Variants in LRP1B observed in about 807,000 individuals in gnomAD.
LRP1B encodes LDL receptor related protein 1B.
Under a neutral mutation model 556.6 loss-of-function variants are expected in LRP1B, and 217 were observed. The ratio of observed to expected loss-of-function variants is 0.39; its 90% CI spans 0.35 to 0.44. The LOEUF (loss-of-function observed/expected upper bound fraction) is 0.44, where lower values mean the gene tolerates loss of function less well. LRP1B is among the 20% of genes least tolerant of loss of function. The probability of loss-of-function intolerance (pLI) is 1.00; values close to 1 mark genes in which losing one functional copy is unlikely to be tolerated. For missense variants in LRP1B, 5,053 were observed against 5,620.8 expected, an observed-to-expected ratio of 0.90 and a Z score of 3.23; for synonymous variants, 2,047 against 1,865.8, an observed-to-expected ratio of 1.10 and a Z score of -2.50.
intron 1 of LRP1B, among the ~76,000 whole-genome samples, chr2:142,005,267 C>T (rs546599100): frequency 8.4e-4 from 127 of 151,850 alleles, no homozygotes; most frequent in African/African-American, 2.4e-3. Context: ...AGGATTAACA[C>T]GGAAAATTGT....
rs2104939348 is a variant in LRP1B, at chr2:140,516,963, C to T, written c.8075G>A (p.Gly2692Glu). ...CEENYFSCPS[G>E]RCILNTWICD... ...TATCCAGGTATTCAAAATGCATCTT[C>T]CACTAGGACAACTAAAATAATTTTC... is the stretch of plus-strand genomic sequence containing the variant. The change falls in exon 50 of 91, where the codon GGA becomes GAA. Residue 2692 changes from glycine (G) to glutamate (E), a missense_variant. Physicochemically the swap from Gly to Glu is moderately conservative, Grantham distance 98. Transcript: ENST00000389484. 1.2e-6 allele frequency: 2 copies of T among 1,603,546 alleles called. No individual in the cohort carries two copies. The highest frequency in any genetic ancestry group is 1.7e-6 in the Non-Finnish European group (2 of 1,170,598).
Position 140,989,168 on chromosome 2 carries a change from T to C in LRP1B, c.2770+364A>G, listed in dbSNP as rs1274539702. On this transcript the variant is annotated intron_variant, in intron 17 of 90. Transcript: ENST00000389484. The stretch of plus-strand genomic sequence containing the variant: ...TAAATAAAATTTATAAATTATTTTC[T>C]CAAGGTTAAAAAAAAAATCCTCCTT... Among the ~76,000 whole-genome samples the C allele has an allele frequency of 2.0e-5, 3 of 152,070 alleles. No individual in the cohort carries two copies. The East Asian group carries it at 5.8e-4, about 30-fold the overall frequency.
intron 1 of LRP1B, among the ~76,000 whole-genome samples, chr2:141,955,878 C>G (rs1281502619): frequency 6.6e-6 from 1 of 152,112 alleles, no homozygotes; most frequent in East Asian, 1.9e-4. Flanking sequence ...TCTCTTAAGC[C>G]TGCCTAAAAT....
chr2:140,653,510 TAAC>T (rs1228125189), intron 41 of LRP1B, among the ~76,000 whole-genome samples: 2 of 151,908 alleles, frequency 1.3e-5, no homozygotes, highest in Admixed American at 6.6e-5. Flanking sequence ...TATATGATAA[TAAC>T]AACGTAAAGA....
chr2:141,913,611 T>A (rs905606071), intron 1 of LRP1B, among the ~76,000 whole-genome samples: 1 of 152,140 alleles, frequency 6.6e-6, no homozygotes, highest in East Asian at 1.9e-4. Context: ...AAGTAAGGAA[T>A]ACCCCACTTG....
intron 1 of LRP1B, among the ~76,000 whole-genome samples, chr2:141,990,954 C>T (rs1449830650): frequency 6.6e-6 from 1 of 152,024 alleles, no homozygotes; most frequent in Non-Finnish European, 1.5e-5. Context: ...TTTCCAACAT[C>T]ACTTGAAGAT....
intron 2 of LRP1B, among the ~76,000 whole-genome samples, chr2:141,636,687 C>T (rs1689117975): frequency 6.6e-6 from 1 of 151,682 alleles, no homozygotes; most frequent in Non-Finnish European, 1.5e-5. Context: ...ACTAAAGGTC[C>T]TACAGTAGGA....
intron 11 of LRP1B, among the ~76,000 whole-genome samples, chr2:141,039,296 A>G (rs1698628719): frequency 6.6e-6 from 1 of 152,068 alleles, no homozygotes; most frequent in African/African-American, 2.4e-5. Context: ...CATAACATTT[A>G]TTATAGCATG....
intron 3 of LRP1B, among the ~76,000 whole-genome samples, chr2:141,358,602 G>A (rs1372209601): frequency 6.6e-6 from 1 of 152,138 alleles, no homozygotes; most frequent in Admixed American, 6.5e-5. Context: ...TCAGAAACCG[G>A]CTGCCAAGTT....
intron 7 of LRP1B, among the ~76,000 whole-genome samples, chr2:141,126,661 T>C (rs1415826577): frequency 1.3e-5 from 2 of 152,138 alleles, no homozygotes; most frequent in African/African-American, 4.8e-5. Context: ...CTTTACCTTT[T>C]CTTCACCCAA....
intron 2 of LRP1B, among the ~76,000 whole-genome samples, chr2:141,800,209 G>A (rs983464919): frequency 1.6e-4 from 25 of 152,134 alleles, no homozygotes; most frequent in Non-Finnish European, 1.5e-5. Flanking sequence ...ATGGAAAGCA[G>A]GTTGACTTGA....
chr2:140,317,247 G>A (rs1386263403), intron 82 of LRP1B, among the ~76,000 whole-genome samples: 2 of 152,066 alleles, frequency 1.3e-5, no homozygotes, highest in Non-Finnish European at 2.9e-5. Flanking sequence ...TAATGTACTG[G>A]CAGGGGTTAA....
At chr2:140,853,355 C>T (rs1373869775) in intron 27 of LRP1B, among the ~76,000 whole-genome samples, 2 of 152,088 alleles carry the variant, frequency 1.3e-5, no homozygotes, top group South Asian at 2.1e-4. Context: ...AGATTTTAAC[C>T]ATTTCTTCAG....
intron 32 of LRP1B, among the ~76,000 whole-genome samples, chr2:140,791,895 A>T (rs1465105121): frequency 1.3e-5 from 2 of 152,174 alleles, no homozygotes; most frequent in African/African-American, 4.8e-5. Context: ...CAAATGAAGG[A>T]AGAATTCTTT....
At chr2:140,544,079 A>G (rs1031409735) in intron 43 of LRP1B, among the ~76,000 whole-genome samples, 15 of 152,216 alleles carry the variant, frequency 9.9e-5, no homozygotes, top group Middle Eastern at 3.4e-3. Flanking sequence ...CATCTTTACA[A>G]TCTTTAAGTG....
intron 1 of LRP1B, among the ~76,000 whole-genome samples, chr2:141,869,720 C>A (rs924392585): frequency 2.0e-5 from 3 of 152,056 alleles, no homozygotes; most frequent in Non-Finnish European, 2.9e-5. Context: ...AACATAACAA[C>A]AATGTTAAAA....
At chr2:140,867,232 C>A (rs1692977997) in intron 27 of LRP1B, among the ~76,000 whole-genome samples, 1 of 152,034 alleles carries the variant, frequency 6.6e-6, no homozygotes, top group Admixed American at 6.6e-5. Flanking sequence ...GAACTCACTT[C>A]TCCTAAAATA....
intron 1 of LRP1B, among the ~76,000 whole-genome samples, chr2:142,037,380 C>A (rs577237419): frequency 1.3e-5 from 2 of 151,478 alleles, no homozygotes; most frequent in South Asian, 2.1e-4. Flanking sequence ...TAGAGGGACA[C>A]AGCTGCAGAC....
At chr2:141,511,823 A>G (rs964017031) in intron 2 of LRP1B, among the ~76,000 whole-genome samples, 1 of 152,188 alleles carries the variant, frequency 6.6e-6, no homozygotes, top group African/African-American at 2.4e-5. Flanking sequence ...TTTTAGTCCT[A>G]TGAGAGGCAG....
Sources: gnomAD v4.1 joint callset for allele counts (sites outside exome capture counted in the v4.1 genomes callset) on GRCh38, gnomAD v4.1.1 for gene constraint, MANE v1.5 for transcripts, NCBI Gene and HGNC (gene_info 2026-07-23, HGNC 2026-07-21) for gene names.